The following SDK1 variants were observed in gnomAD, a reference collection of about 807,000 sequenced individuals.
SDK1 encodes sidekick cell adhesion molecule 1.
SDK1 carries 157 observed loss-of-function variants against 245.5 expected under a neutral mutation model. That is an observed-to-expected ratio of 0.64 (90% CI 0.56 to 0.73). The LOEUF (loss-of-function observed/expected upper bound fraction) is 0.73. Among genes scored for constraint, SDK1 ranks in the 30% least tolerant of loss-of-function variants. SDK1 has a pLI of 0.00. For synonymous variants in SDK1, 1,647 were observed against 1,278.5 expected, an observed-to-expected ratio of 1.29 and a Z score of -6.15; for missense variants, 3,583 against 3,002.3, an observed-to-expected ratio of 1.19 and a Z score of -4.52.
At chr7:3,569,251 A>G (rs985783997) in intron 1 of SDK1, among the ~76,000 whole-genome samples, 14 of 152,218 alleles carry the variant, frequency 9.2e-5, no homozygotes, top group African/African-American at 3.4e-4. Flanking sequence ...TCGGAATTCA[A>G]ACGAGAACCA....
chr7:4,076,468 ATGGATTGAGCCCAGGAGGT>A (rs1780685941), intron 20 of SDK1, among the ~76,000 whole-genome samples: 1 of 152,164 alleles, frequency 6.6e-6, no homozygotes, highest in South Asian at 2.1e-4. Flanking sequence ...AGGTGGGAGG[ATGGATTGAGCCCAGGAGGT>A]TGAGGCTGCA....
chr7:3,844,552 C>T (rs11979277), intron 5 of SDK1, among the ~76,000 whole-genome samples: 2 of 152,282 alleles, frequency 1.3e-5, no homozygotes, highest in South Asian at 2.1e-4. Flanking sequence ...GGACAACTGC[C>T]TGTAATTTAA....
chr7:3,545,639 T>C (rs1316744515), intron 1 of SDK1, among the ~76,000 whole-genome samples: 1 of 152,204 alleles, frequency 6.6e-6, no homozygotes, highest in African/African-American at 2.4e-5. Context: ...CTGGCAACCC[T>C]CTGCTATGGT....
At chr7:4,210,538 C>T (rs1418416554) in intron 38 of SDK1, among the ~76,000 whole-genome samples, 2 of 152,214 alleles carry the variant, frequency 1.3e-5, no homozygotes, top group African/African-American at 2.4e-5. Flanking sequence ...CAGGGTTCCA[C>T]TTGAAGCCAC....
At chr7:4,154,999 G>A (rs1044186997) in intron 30 of SDK1, among the ~76,000 whole-genome samples, 9 of 151,972 alleles carry the variant, frequency 5.9e-5, no homozygotes, top group Non-Finnish European at 1.2e-4. Context: ...GGTCTAGGAG[G>A]TAGACCAGTC....
chr7:3,644,714 A>G (rs1782766206), intron 4 of SDK1, among the ~76,000 whole-genome samples: 1 of 137,966 alleles, frequency 7.2e-6, no homozygotes, highest in Non-Finnish European at 1.5e-5. Flanking sequence ...TGGAGGTTGC[A>G]GTGAGCTACG....
At chr7:3,708,717 G>A (rs577239370) in intron 4 of SDK1, among the ~76,000 whole-genome samples, 1 of 152,256 alleles carries the variant, frequency 6.6e-6, no homozygotes, top group South Asian at 2.1e-4. Context: ...CTCCCACCAG[G>A]CCCTCCATTC....
chr7:3,932,238 AAGTG>A (rs1465613581), intron 5 of SDK1, among the ~76,000 whole-genome samples: 3 of 152,192 alleles, frequency 2.0e-5, no homozygotes, highest in African/African-American at 7.2e-5. Flanking sequence ...ATATGCCCGT[AAGTG>A]AGTATCTTAG....
rs201906214 is a variant in SDK1 at position 4,114,025 on chromosome 7, G to A, written c.3586-12G>A. On this transcript the variant is annotated splice_polypyrimidine_tract_variant and intron_variant, in intron 24 of 44. Transcript: ENST00000404826. ...AGATGTCAGCTCATCGCGACTCCTC[G>A]TTCCTTCCTAGCCCCTGCCGGATTC... is the stretch of plus-strand genomic sequence containing the variant. 3.3e-4 allele frequency: 535 copies of A among 1,612,234 alleles called. 2 individuals carry two copies. The African/African-American group carries it at 4.4e-3, about 13-fold the overall frequency.
chr7:4,077,298 G>A (rs574826752), intron 21 of SDK1, 109 bp downstream of exon 21: 22 of 1,049,888 alleles, frequency 2.1e-5, no homozygotes, highest in African/African-American at 1.9e-4. Context: ...GCCTTGAAAA[G>A]GAGTAGTGGC....
At chr7:4,060,468 G>T (rs1003981704) in intron 19 of SDK1, among the ~76,000 whole-genome samples, 1 of 152,104 alleles carries the variant, frequency 6.6e-6, no homozygotes, top group African/African-American at 2.4e-5. Flanking sequence ...CATGTCCTTT[G>T]CCCACTTTTT....
At chr7:4,242,277 G>A (rs1017337274) in intron 43 of SDK1, among the ~76,000 whole-genome samples, 3 of 152,132 alleles carry the variant, frequency 2.0e-5, no homozygotes, top group Admixed American at 1.3e-4. Context: ...CCACAGGCCC[G>A]ACCAGGTGTC....
intron 1 of SDK1, among the ~76,000 whole-genome samples, chr7:3,510,807 C>G (rs1416775880): frequency 6.6e-6 from 1 of 152,210 alleles, no homozygotes; most frequent in East Asian, 1.9e-4. Flanking sequence ...TGGATACGTT[C>G]ATGGAGATTC....
At chr7:3,393,152 A>G (rs1030429790) in intron 1 of SDK1, among the ~76,000 whole-genome samples, 14 of 151,488 alleles carry the variant, frequency 9.2e-5, no homozygotes, top group African/African-American at 3.2e-4. Context: ...TTGTATTTTT[A>G]GTAGAGGTGG....
intron 44 of SDK1, among the ~76,000 whole-genome samples, chr7:4,264,099 G>C (rs1413416095): frequency 1.0e-5 from 1 of 96,004 alleles, no homozygotes; most frequent in Non-Finnish European, 2.1e-5. Context: ...AGTGGGGGAG[G>C]CCGCGTAGAC....
intron 4 of SDK1, among the ~76,000 whole-genome samples, chr7:3,806,578 C>T (rs1044781892): frequency 6.6e-6 from 1 of 152,216 alleles, no homozygotes; most frequent in Non-Finnish European, 1.5e-5. Flanking sequence ...CAGAACTTCA[C>T]ACCTGTTCAT....
At chr7:3,477,213 T>TTG (rs1781372629) in intron 1 of SDK1, among the ~76,000 whole-genome samples, 3 of 145,600 alleles carry the variant, frequency 2.1e-5, no homozygotes, top group Non-Finnish European at 4.5e-5. Context: ...TTTTTTTTTT[T>TTG]GAGCCAGAGT....
At chr7:3,540,608 A>G (rs1779028204) in intron 1 of SDK1, among the ~76,000 whole-genome samples, 2 of 152,212 alleles carry the variant, frequency 1.3e-5, no homozygotes, top group South Asian at 2.1e-4. Context: ...TGGGGAAGTC[A>G]GAGAACACAG....
At chr7:3,505,544 C>G (rs545303934) in intron 1 of SDK1, among the ~76,000 whole-genome samples, 3 of 152,172 alleles carry the variant, frequency 2.0e-5, no homozygotes, top group Non-Finnish European at 4.4e-5. Flanking sequence ...AGCCACTGCA[C>G]TTGGCTTATT....
Sources: allele counts gnomAD v4.1 joint callset (sites outside exome capture counted in the v4.1 genomes callset), GRCh38; gene constraint gnomAD v4.1.1; transcripts MANE v1.5; gene names NCBI Gene and HGNC (gene_info 2026-07-23, HGNC 2026-07-21).